MROH2B: variants seen among roughly 807,000 people sequenced by gnomAD.
The protein encoded by MROH2B is maestro heat like repeat family member 2B, also known as maestro heat-like repeat-containing protein family member 2B.
In MROH2B, 177 loss-of-function variants were observed where a neutral mutation model predicts 208.6. The observed-to-expected ratio is 0.85, with a 90% confidence interval of 0.75 to 0.96. MROH2B has a LOEUF of 0.96. MROH2B is among the 40% of genes least tolerant of loss of function. MROH2B has a pLI of 0.00. For missense variants in MROH2B, 2,002 were observed against 1,878.7 expected (o/e 1.07, Z -1.21); for synonymous variants, 728 against 659.0 (o/e 1.10, Z -1.60).
At chr5:41,064,626 T>C in intron 4 of MROH2B, 56 bp from the exon 5 acceptor site, 1 of 1,336,288 alleles carries the variant, frequency 7.5e-7, no homozygotes, top group Non-Finnish European at 1.1e-6. Flanking sequence ...AATTTGGGGT[T>C]CTGTGACTCC....
At position 41,009,328 on chromosome 5, in the gene MROH2B, T is replaced by G; in HGVS notation, c.3372A>C (p.Lys1124Asn). Reference protein sequence around the residue: ...SGKLLQALIDKLETELEDDIA... With the variant: ...SGKLLQALIDNLETELEDDIA... ...TGTCATCTTCTAACTCAGTCTCCAG[T>G]TTGTCTATTAAGGCTTGCAAGAGTT... The change falls in exon 32 of 42, where the codon AAA becomes AAC. Residue 1124 changes from lysine (K) to asparagine (N), a missense_variant. Physicochemically the swap from Lys to Asn is moderately conservative, Grantham distance 94. Coordinates refer to ENST00000399564, the MANE Select transcript of MROH2B (RefSeq NM_173489.5). 1 of 1,613,842 alleles carries G rather than the reference T, an allele frequency of 6.2e-7. No homozygotes were observed. Among genetic ancestry groups the G allele is most frequent in the Non-Finnish European group, 8.5e-7 (1 of 1,179,790 alleles).
Position 41,007,427 on chromosome 5 carries a change from C to A in MROH2B, c.3636G>T (p.Leu1212Phe). ...CRLSTATLKC[L>F]QAQAMREGLA... The stretch of plus-strand genomic sequence containing the variant: ...GGCCTTCTCTCATGGCTTGGGCTTG[C>A]AAACATTTTAAAGTAGCAGTTGAAA... The change falls in exon 34 of 42, where the codon TTG (leucine) becomes TTT (phenylalanine). Residue 1212 changes from leucine (L) to phenylalanine (F), a missense_variant. Transcript: ENST00000399564. 2 of 1,578,814 alleles carry A rather than the reference C, an allele frequency of 1.3e-6. No individual in the cohort carries two copies. The highest frequency in any genetic ancestry group is 1.7e-6 in the Non-Finnish European group (2 of 1,162,524).
rs945301019 is a variant in MROH2B at position 41,042,203 on chromosome 5, G to T, written c.1842C>A (p.Phe614Leu). 3.9e-6 allele frequency: 6 copies of T among 1,547,322 alleles called. No individual in the cohort carries two copies. In the African/African-American group the frequency reaches 8.2e-5, roughly 21 times the overall value. ...AGGTGGTTCCCAAGGCTTTCCAAAG[G>T]AATTTCTGGAAAACAAAAGATAAGC... ...SYSNNSTEKK[F>L]LWKALGTTLA... is the part of the protein sequence containing the mutation. The change falls in exon 19 of 42, where the codon TTC (phenylalanine) becomes TTA (leucine). Residue 614 changes from phenylalanine (F) to leucine (L), a missense_variant. Transcript: ENST00000399564.
intron 21 of MROH2B, among the ~76,000 whole-genome samples, chr5:41,034,615 A>T (rs1044530131): frequency 1.3e-5 from 2 of 151,912 alleles, no homozygotes; most frequent in Non-Finnish European, 1.5e-5. Flanking sequence ...GTAAAATGCC[A>T]TTTTTTTGGG....
intron 19 of MROH2B, among the ~76,000 whole-genome samples, chr5:41,039,757 A>G (rs79902576): frequency 1.4e-3 from 209 of 152,276 alleles, no homozygotes; most frequent in African/African-American, 4.7e-3. Flanking sequence ...ATAAGTAAAC[A>G]CATCAATTCA....
At chr5:41,030,673 G>A (rs1742536973) in intron 24 of MROH2B, among the ~76,000 whole-genome samples, 2 of 151,976 alleles carry the variant, frequency 1.3e-5, no homozygotes, top group Admixed American at 1.3e-4. Flanking sequence ...GAAAGCAATA[G>A]TAAGAAAAAA....
intron 24 of MROH2B, among the ~76,000 whole-genome samples, chr5:41,029,709 A>G (rs1202416443): frequency 6.6e-6 from 1 of 152,160 alleles, no homozygotes; most frequent in Admixed American, 6.6e-5. Flanking sequence ...AAGATCTTGA[A>G]TTTGACAGTG....
chr5:41,016,228 T>G (rs1225907999), intron 28 of MROH2B, among the ~76,000 whole-genome samples: 3 of 152,182 alleles, frequency 2.0e-5, no homozygotes, highest in Admixed American at 6.5e-5. Context: ...GGTATTTAAT[T>G]TAGTATCACA....
intron 2 of MROH2B, among the ~76,000 whole-genome samples, chr5:41,069,168 G>T (rs1034875983): frequency 2.8e-4 from 42 of 152,090 alleles, no homozygotes; most frequent in African/African-American, 7.5e-4. Flanking sequence ...ATTGTTCTGA[G>T]GAGTGAATAT....
At chr5:40,998,867 C>T (rs1250904239) in intron 40 of MROH2B, among the ~76,000 whole-genome samples, 190 bp from the exon 41 acceptor site, 1 of 152,178 alleles carries the variant, frequency 6.6e-6, no homozygotes, top group Non-Finnish European at 1.5e-5. Context: ...AGTGCCATGT[C>T]TGCAAGTAGT....
intron 7 of MROH2B, 40 bp downstream of exon 7, chr5:41,058,023 C>T (rs1316932655): frequency 1.4e-6 from 2 of 1,438,988 alleles, no homozygotes; most frequent in African/African-American, 1.5e-5. Flanking sequence ...GGGTTGCATG[C>T]GGGTTCTCTG....
chr5:41,002,891 C>T (rs185173587), intron 37 of MROH2B, among the ~76,000 whole-genome samples: 20 of 150,826 alleles, frequency 1.3e-4, no homozygotes, highest in Admixed American at 2.6e-4. Context: ...CCCTGAACAA[C>T]GAAGAAAAAG....
chr5:41,050,486 A>C (rs1743251725), intron 13 of MROH2B, among the ~76,000 whole-genome samples: 1 of 152,184 alleles, frequency 6.6e-6, no homozygotes, highest in Admixed American at 6.5e-5. Flanking sequence ...AAGCTAGATG[A>C]AGCCTCTGAT....
At chr5:41,017,378 G>A (rs2111865180) in intron 28 of MROH2B, among the ~76,000 whole-genome samples, 1 of 152,318 alleles carries the variant, frequency 6.6e-6, no homozygotes, top group South Asian at 2.1e-4. Context: ...AAGGCACTTA[G>A]TACCACGATA....
intron 34 of MROH2B, among the ~76,000 whole-genome samples, chr5:41,006,479 T>C (rs775961040): frequency 9.9e-5 from 15 of 152,216 alleles, no homozygotes; most frequent in Non-Finnish European, 1.6e-4. Flanking sequence ...ACAGTCCCAC[T>C]ACTAGGTATC....
At chr5:41,052,423 A>G (rs1233214158) in intron 12 of MROH2B, 42 bp downstream of exon 12, 1 of 1,544,692 alleles carries the variant, frequency 6.5e-7, no homozygotes, top group Non-Finnish European at 8.7e-7. Flanking sequence ...AGCGAACTGT[A>G]CTTTTTATAG....
chr5:41,043,432 G>A (rs1057419145), intron 18 of MROH2B, among the ~76,000 whole-genome samples: 1 of 152,206 alleles, frequency 6.6e-6, no homozygotes, highest in Non-Finnish European at 1.5e-5. Context: ...CCCACCTTGG[G>A]GGAAAGACTG....
rs750288836 is a variant in MROH2B at position 41,000,219 on chromosome 5, C to T, written c.4482+1G>A. 2 of 1,613,756 alleles carry T rather than the reference C, an allele frequency of 1.2e-6. No homozygotes were observed. The highest frequency in any genetic ancestry group is 1.7e-6 in the Non-Finnish European group (2 of 1,179,772). ...GGAGGCGGCATCTATTGGACACTCA[C>T]CAGTTTCACACAGAATTGCCTGTAG... On this transcript the variant is annotated splice_donor_variant, in intron 39 of 41. Coordinates refer to ENST00000399564, the MANE Select transcript of MROH2B (RefSeq NM_173489.5). LOFTEE classifies it high-confidence loss of function.
intron 33 of MROH2B, 75 bp downstream of exon 33, chr5:41,008,531 C>T: frequency 6.5e-7 from 1 of 1,531,354 alleles, no homozygotes; most frequent in East Asian, 2.3e-5. Flanking sequence ...AGCACAGACC[C>T]TGACTTCTGC....
Sources: gnomAD v4.1 joint callset for allele counts (sites outside exome capture counted in the v4.1 genomes callset) on GRCh38, gnomAD v4.1.1 for gene constraint, MANE v1.5 for transcripts, NCBI Gene and HGNC (gene_info 2026-07-23, HGNC 2026-07-21) for gene names.